DNAH6: variants seen among roughly 807,000 people sequenced by gnomAD.
DNAH6 encodes dynein axonemal heavy chain 6.
A neutral mutation model predicts 491.4 loss-of-function variants in DNAH6; 340 were observed. The ratio of observed to expected loss-of-function variants is 0.69; its 90% confidence interval spans 0.63 to 0.76. The LOEUF is 0.76. Ranked by LOEUF, DNAH6 falls within the 30% of genes least tolerant of loss-of-function variation. The probability of loss-of-function intolerance (pLI) is 0.00; values close to 1 mark genes in which losing one functional copy is unlikely to be tolerated. For synonymous variants in DNAH6, 1,603 were observed against 1,686.1 expected (o/e 0.95, Z 1.21); for missense variants, 4,443 against 4,972.2 (o/e 0.89, Z 3.20).
chr2:84,670,239 CTGTT>C, intron 38 of DNAH6, 85 bp from the exon 39 acceptor site: 1 of 866,230 alleles, frequency 1.2e-6, no homozygotes. Context: ...TCTTTTTATC[CTGTT>C]TCTTACTCAT....
chr2:84,539,477 A>C (rs1678025633), intron 4 of DNAH6, among the ~76,000 whole-genome samples: 2 of 152,140 alleles, frequency 1.3e-5, no homozygotes, highest in African/African-American at 4.8e-5. Context: ...ACTTCCAGTT[A>C]ATTATGATTT....
the DNAH6 span, among the ~76,000 whole-genome samples, chr2:84,464,989 C>G: frequency 6.6e-6 from 1 of 152,010 alleles, no homozygotes. Context: ...TAAGAGAACC[C>G]TTAATTCTAA....
At position 84,708,275 on chromosome 2, in the gene DNAH6, T is replaced by TA. The variant is rs761577094; in HGVS notation, c.9048+571dup. Among the ~76,000 whole-genome samples the TA allele has an allele frequency of 1.1e-3, 159 of 143,350 alleles. 1 individual carries two copies. Among genetic ancestry groups the TA allele is most frequent in the African/African-American group, 1.7e-3 (65 of 39,170 alleles). 94.0% of individuals were successfully genotyped at this position (143,350 alleles called of 152,430 possible). On this transcript the variant is annotated intron_variant, in intron 54 of 76. Coordinates refer to ENST00000389394, the MANE Select transcript of DNAH6 (RefSeq NM_001370.2). ...CAACACTGTGAAACCTCGTCTCTAC[T>TA]AAAAAAAAAAAATACAAAAATTAGC...
chr2:84,584,576 TC>T, intron 15 of DNAH6: 1 of 225,646 alleles, frequency 4.4e-6, no homozygotes, highest in Middle Eastern at 1.7e-3. Context: ...AATTAATGTT[TC>T]AAAATCTCTG....
At chr2:84,475,877 T>G in the DNAH6 span, among the ~76,000 whole-genome samples, 2 of 152,208 alleles carry the variant, frequency 1.3e-5, no homozygotes, top group Admixed American at 6.5e-5. Context: ...ACATTTATCC[T>G]TTCTCATGCC....
At chr2:84,644,749 C>T (rs1388838933) in intron 33 of DNAH6, among the ~76,000 whole-genome samples, 3 of 152,180 alleles carry the variant, frequency 2.0e-5, no homozygotes, top group Non-Finnish European at 2.9e-5. Context: ...GCTCCATCCA[C>T]GTTCCTGCAA....
At chr2:84,720,786 T>A (rs539951763) in intron 59 of DNAH6, among the ~76,000 whole-genome samples, 97 of 152,326 alleles carry the variant, frequency 6.4e-4, no homozygotes, top group Non-Finnish European at 1.2e-3. Context: ...TACTCTGCAT[T>A]TTTAAGCCTT....
At chr2:84,551,273 A>C (rs1679331590) in intron 9 of DNAH6, among the ~76,000 whole-genome samples, 1 of 152,164 alleles carries the variant, frequency 6.6e-6, no homozygotes, top group Non-Finnish European at 1.5e-5. Context: ...TAGTATCAAA[A>C]TTTTAAAAGT....
At chr2:84,540,642 A>G (rs1388698036) in intron 4 of DNAH6, among the ~76,000 whole-genome samples, 1 of 152,166 alleles carries the variant, frequency 6.6e-6, no homozygotes, top group Non-Finnish European at 1.5e-5. Flanking sequence ...TAATAGGACA[A>G]TGATTGACCT....
chr2:84,816,413 C>T (rs932509872), intron 76 of DNAH6, among the ~76,000 whole-genome samples: 6 of 152,112 alleles, frequency 3.9e-5, no homozygotes, highest in African/African-American at 9.7e-5. Flanking sequence ...TTTTACTCAT[C>T]ATAAAAGAAA....
the DNAH6 span, among the ~76,000 whole-genome samples, chr2:84,493,739 G>A: frequency 1.3e-5 from 2 of 152,158 alleles, no homozygotes; most frequent in Admixed American, 6.5e-5. Flanking sequence ...TACAAGTGAC[G>A]CAGATGGTCC....
chr2:84,635,343 G>A (rs761565559), intron 30 of DNAH6, among the ~76,000 whole-genome samples: 1 of 152,156 alleles, frequency 6.6e-6, no homozygotes, highest in African/African-American at 2.4e-5. Flanking sequence ...TCTACGTGAA[G>A]TATATGTCAT....
At chr2:84,570,537 A>C (rs542717341) in intron 11 of DNAH6, among the ~76,000 whole-genome samples, 67 of 152,296 alleles carry the variant, frequency 4.4e-4, no homozygotes, top group African/African-American at 1.5e-3. Context: ...GCACTCTGTG[A>C]AAATGCACCA....
In DNAH6 at chr2:84,763,071, T is replaced by C; in HGVS notation, c.10703+126T>C. On this transcript the variant is annotated intron_variant, in intron 64 of 76. Coordinates refer to ENST00000389394, the MANE Select transcript of DNAH6 (RefSeq NM_001370.2). ...ATTCAGGTATCACTTACTACATAAA[T>C]TTAAGATATGTTAATAGTTAGCTAT... The C allele has an allele frequency of 4.3e-6, 3 of 702,546 alleles. No individual in the cohort carries two copies. In the South Asian group the frequency reaches 5.8e-5, roughly 14 times the overall value. 43.5% of individuals were successfully genotyped at this position (702,546 alleles called of 1,614,324 possible). A position where few individuals can be genotyped will look rare whatever the true frequency, so the allele number is the denominator to read the frequency against.
chr2:84,497,511 A>T, the DNAH6 span, among the ~76,000 whole-genome samples: 5 of 152,268 alleles, frequency 3.3e-5, no homozygotes, highest in South Asian at 1.0e-3. Flanking sequence ...TATGTCCTTT[A>T]CTGGCAATTT....
intron 58 of DNAH6, among the ~76,000 whole-genome samples, chr2:84,717,856 A>C (rs1341142841): frequency 6.6e-6 from 1 of 152,184 alleles, no homozygotes; most frequent in East Asian, 1.9e-4. Flanking sequence ...TATTCCAGGC[A>C]CCATTTTCAT....
chr2:84,776,210 A>T (rs188296113), intron 64 of DNAH6, among the ~76,000 whole-genome samples: 1 of 152,200 alleles, frequency 6.6e-6, no homozygotes, highest in African/African-American at 2.4e-5. Context: ...TGGACTAGAA[A>T]TGTCCAGTGA....
At chr2:84,647,184 A>G (rs1208593057) in intron 33 of DNAH6, among the ~76,000 whole-genome samples, 1 of 152,170 alleles carries the variant, frequency 6.6e-6, no homozygotes, top group African/African-American at 2.4e-5. Flanking sequence ...CTCCTGGTGA[A>G]GTAGCTAGCT....
chr2:84,725,285 G>A (rs1247813498), intron 60 of DNAH6, among the ~76,000 whole-genome samples: 1 of 152,174 alleles, frequency 6.6e-6, no homozygotes, highest in Non-Finnish European at 1.5e-5. Flanking sequence ...TGGAGGTCCA[G>A]GAACAGTTTC....
Sources: gnomAD v4.1 joint callset for allele counts (sites outside exome capture counted in the v4.1 genomes callset) on GRCh38, gnomAD v4.1.1 for gene constraint, MANE v1.5 for transcripts, NCBI Gene and HGNC (gene_info 2026-07-23, HGNC 2026-07-21) for gene names.